The following PARP8 variants were observed in gnomAD, a reference collection of about 807,000 sequenced individuals.
PARP8 encodes the protein poly(ADP-ribose) polymerase family member 8, also known as protein mono-ADP-ribosyltransferase PARP8.
Under a neutral mutation model 124.1 loss-of-function variants are expected in PARP8, and 51 were observed. That is an observed-to-expected ratio of 0.41 (90% CI 0.33 to 0.52). The LOEUF (loss-of-function observed/expected upper bound fraction) is 0.52, where lower values mean the gene tolerates loss of function less well. Among genes scored for constraint, PARP8 ranks in the 20% least tolerant of loss-of-function variants. PARP8 has a pLI of 0.21. For synonymous variants in PARP8, 391 were observed against 361.5 expected (o/e 1.08, Z -0.93); for missense variants, 860 against 1,018.9 (o/e 0.84, Z 2.12).
At chr5:50,788,004 T>C (rs1363266920) in intron 9 of PARP8, among the ~76,000 whole-genome samples, 12 of 149,184 alleles carry the variant, frequency 8.0e-5, no homozygotes, top group African/African-American at 2.9e-4. Context: ...GAAAAGGAAA[T>C]CTCCTGTGCC....
intron 2 of PARP8, among the ~76,000 whole-genome samples, chr5:50,707,236 G>A (rs748270282): frequency 1.3e-5 from 2 of 151,782 alleles, no homozygotes; most frequent in African/African-American, 2.4e-5. Flanking sequence ...TATATAATTC[G>A]TCATTCAATT....
At chr5:50,689,462 C>T (rs976051370) in intron 2 of PARP8, among the ~76,000 whole-genome samples, 1 of 152,164 alleles carries the variant, frequency 6.6e-6, no homozygotes, top group African/African-American at 2.4e-5. Flanking sequence ...CTTGTATGTA[C>T]ATTATCTGGA....
intron 14 of PARP8, among the ~76,000 whole-genome samples, chr5:50,803,908 A>G: frequency 6.6e-6 from 1 of 152,116 alleles, no homozygotes. Flanking sequence ...AAATACAATA[A>G]TGCTGGAACT....
intron 2 of PARP8, 62 bp from the exon 3 acceptor site, chr5:50,750,089 T>G: frequency 7.5e-7 from 1 of 1,336,600 alleles, no homozygotes; most frequent in Admixed American, 1.9e-5. Flanking sequence ...TTGTCTTTTT[T>G]TTATAAAAGC....
In PARP8 at chr5:50,846,216, A is replaced by G. The variant is rs1366724138; in HGVS notation, c.*4148A>G. 1 of 151,818 alleles carries G rather than the reference A, an allele frequency of 6.6e-6. No homozygotes were observed. Among genetic ancestry groups the G allele is most frequent in the Non-Finnish European group, 1.5e-5 (1 of 67,798 alleles). The allele number at this position is 151,818 out of a possible 1,614,324, so 9.4% of individuals were successfully genotyped here. A position where few individuals can be genotyped will look rare whatever the true frequency, so the allele number is the denominator to read the frequency against. On this transcript the variant is annotated 3_prime_UTR_variant, in exon 26 of 26. Transcript: ENST00000281631. ...TCCGCTCCATTATGTAAACATTAAG[A>G]TATGCCTATGTTTCTTTAACTATAC...
At chr5:50,679,000 AATG>A (rs751094371) in intron 2 of PARP8, among the ~76,000 whole-genome samples, 13 of 152,188 alleles carry the variant, frequency 8.5e-5, no homozygotes, top group Admixed American at 2.0e-4. Context: ...TTCAGTTTAA[AATG>A]ATATTTATTT....
chr5:50,727,821 G>T (rs1756580799), intron 2 of PARP8, among the ~76,000 whole-genome samples: 1 of 152,108 alleles, frequency 6.6e-6, no homozygotes, highest in African/African-American at 2.4e-5. Context: ...CAAGTTATGG[G>T]GCCCTTATGT....
chr5:50,790,282 C>G (rs1741800052), intron 10 of PARP8, among the ~76,000 whole-genome samples: 1 of 152,106 alleles, frequency 6.6e-6, no homozygotes, highest in Non-Finnish European at 1.5e-5. Flanking sequence ...TAAATTTTCT[C>G]AGTTTTCCAT....
intron 2 of PARP8, among the ~76,000 whole-genome samples, chr5:50,738,091 G>A (rs1379069116): frequency 1.3e-5 from 2 of 152,108 alleles, no homozygotes; most frequent in Non-Finnish European, 2.9e-5. Context: ...GTTAGTTGCT[G>A]TTCTCCCAAA....
chr5:50,676,382 C>A (rs558879518), intron 2 of PARP8, among the ~76,000 whole-genome samples: 3 of 152,344 alleles, frequency 2.0e-5, no homozygotes, highest in African/African-American at 7.2e-5. Flanking sequence ...AACTTTTCTA[C>A]ATGAGGGTGT....
intron 1 of PARP8, chr5:50,667,485 C>G: frequency 1.4e-6 from 1 of 699,078 alleles, no homozygotes. Context: ...CGCGTAGTGC[C>G]CGAAGCCTCC....
chr5:50,713,810 C>T lies in PARP8; in HGVS notation c.147-36341C>T, dbSNP rs369761878. On this transcript the variant is annotated intron_variant, in intron 2 of 25. Coordinates refer to ENST00000281631, the MANE Select transcript of PARP8 (RefSeq NM_024615.4). ...AGAGAAGGAGATGGGATGAAGGAAG[C>T]AGAGGGATAGAGTCAGAGATCTGAA... Among the ~76,000 whole-genome samples, 36 of 152,070 alleles carry T rather than the reference C, an allele frequency of 2.4e-4. No homozygotes were observed. The East Asian group carries it at 5.4e-3, about 23-fold the overall frequency.
At chr5:50,827,432 A>G (rs1184501194) in intron 19 of PARP8, among the ~76,000 whole-genome samples, 4 of 152,120 alleles carry the variant, frequency 2.6e-5, no homozygotes, top group Non-Finnish European at 4.4e-5. Flanking sequence ...ATTTCTTTCC[A>G]TGACCAAGGA....
At chr5:50,743,165 G>C (rs1758225073) in intron 2 of PARP8, among the ~76,000 whole-genome samples, 1 of 152,084 alleles carries the variant, frequency 6.6e-6, no homozygotes, top group South Asian at 2.1e-4. Flanking sequence ...CGAGGCCATG[G>C]AACTACGTGC....
At chr5:50,800,527 A>G (rs577050718) in intron 14 of PARP8, among the ~76,000 whole-genome samples, 34 of 152,160 alleles carry the variant, frequency 2.2e-4, no homozygotes, top group African/African-American at 8.2e-4. Flanking sequence ...TCAGCCTTTC[A>G]CTGTTTGTTG....
At chr5:50,678,708 T>TGA (rs1373283718) in intron 2 of PARP8, among the ~76,000 whole-genome samples, 2 of 152,174 alleles carry the variant, frequency 1.3e-5, no homozygotes, top group Non-Finnish European at 2.9e-5. Context: ...TTCTAAAAGC[T>TGA]GAGAGCTCAT....
At chr5:50,681,308 G>A (rs1579932824) in intron 2 of PARP8, among the ~76,000 whole-genome samples, 1 of 151,834 alleles carries the variant, frequency 6.6e-6, no homozygotes, top group Non-Finnish European at 1.5e-5. Context: ...GCCTTGTTTT[G>A]TTTTTTGGAT....
chr5:50,738,929 C>T (rs1453122569), intron 2 of PARP8: 3 of 700,624 alleles, frequency 4.3e-6, no homozygotes, highest in Middle Eastern at 2.3e-4. Context: ...TACATCAGGG[C>T]TCTGCCTCTG....
intron 7 of PARP8, among the ~76,000 whole-genome samples, chr5:50,775,535 AC>A (rs1739910181): frequency 6.6e-6 from 1 of 152,236 alleles, no homozygotes; most frequent in Admixed American, 6.5e-5. Flanking sequence ...AACCTCGGCA[AC>A]AGAGGGAAAC....
Sources: gnomAD v4.1 joint callset for allele counts (sites outside exome capture counted in the v4.1 genomes callset) on GRCh38, gnomAD v4.1.1 for gene constraint, MANE v1.5 for transcripts, NCBI Gene and HGNC (gene_info 2026-07-23, HGNC 2026-07-21) for gene names.